The following BMAL2 variants were observed in gnomAD, a reference collection of about 807,000 sequenced individuals.
The protein encoded by BMAL2 is basic helix-loop-helix ARNT like 2.
chr12:27,342,327 T>C, the BMAL2 span, among the ~76,000 whole-genome samples: 16 of 152,362 alleles, frequency 1.1e-4, no homozygotes, highest in African/African-American at 3.8e-4. Context: ...CAAAATACAT[T>C]GTCTCTTATT....
the BMAL2 span, among the ~76,000 whole-genome samples, chr12:27,351,723 GC>G: frequency 6.6e-6 from 1 of 152,158 alleles, no homozygotes; most frequent in African/African-American, 2.4e-5. Context: ...CAAGACTCTT[GC>G]CCTCAGTTCT....
At chr12:27,363,703 T>C in the BMAL2 span, among the ~76,000 whole-genome samples, 1 of 152,246 alleles carries the variant, frequency 6.6e-6, no homozygotes, top group African/African-American at 2.4e-5. Context: ...TTATATAATC[T>C]GAATATTAAC....
At chr12:27,358,491 A>G in the BMAL2 span, among the ~76,000 whole-genome samples, 1 of 152,282 alleles carries the variant, frequency 6.6e-6, no homozygotes, top group South Asian at 2.1e-4. Context: ...GATTCCTTAA[A>G]GGGCATTTTC....
chr12:27,411,934 G>A, the BMAL2 span, among the ~76,000 whole-genome samples: 1 of 152,092 alleles, frequency 6.6e-6, no homozygotes, highest in African/African-American at 2.4e-5. Context: ...CCAATGTCAT[G>A]AGGCTGTTCC....
chr12:27,359,266 A>G, the BMAL2 span, among the ~76,000 whole-genome samples: 3 of 152,234 alleles, frequency 2.0e-5, no homozygotes, highest in East Asian at 5.8e-4. Flanking sequence ...TTGCAAGAAC[A>G]ATGAAACACA....
the BMAL2 span, among the ~76,000 whole-genome samples, chr12:27,416,550 G>T: frequency 6.6e-6 from 1 of 152,156 alleles, no homozygotes; most frequent in South Asian, 2.1e-4. Flanking sequence ...CAGTATAATT[G>T]TAATTTAGCA....
At chr12:27,415,271 T>C in the BMAL2 span, among the ~76,000 whole-genome samples, 4 of 152,244 alleles carry the variant, frequency 2.6e-5, no homozygotes, top group Non-Finnish European at 5.9e-5. Context: ...GTGATGAATA[T>C]GTAAATTTAT....
At chr12:27,360,803 C>CAAAAAAAAAAAAAAAAAAAAAA in the BMAL2 span, among the ~76,000 whole-genome samples, 43 of 46,788 alleles carry the variant, frequency 9.2e-4, 10 homozygotes, top group East Asian at 2.3e-3. Flanking sequence ...GTGATTTGTC[C>CAAAAAAAAAAAAAAAAAAAAAA]AAAAAAAAAA....
chr12:27,370,511 A>C, the BMAL2 span, among the ~76,000 whole-genome samples: 2 of 152,198 alleles, frequency 1.3e-5, no homozygotes, highest in African/African-American at 4.8e-5. Context: ...ATAGCCTCAG[A>C]GTGCTGGATC....
chr12:27,408,507 A>G, the BMAL2 span, among the ~76,000 whole-genome samples: 1 of 152,362 alleles, frequency 6.6e-6, no homozygotes, highest in East Asian at 1.9e-4. Context: ...TGATTAACTC[A>G]ATAGATGCAG....
chr12:27,333,416 G>T, the BMAL2 span, among the ~76,000 whole-genome samples: 1 of 152,244 alleles, frequency 6.6e-6, no homozygotes, highest in Non-Finnish European at 1.5e-5. Context: ...GCCAGCGGGG[G>T]ACCTTGCACC....
chr12:27,378,407 T>C, the BMAL2 span, among the ~76,000 whole-genome samples: 9 of 152,176 alleles, frequency 5.9e-5, no homozygotes, highest in African/African-American at 2.2e-4. Context: ...ATAACTGAGT[T>C]GGATTTTGAA....
chr12:27,367,431 G>A, the BMAL2 span, among the ~76,000 whole-genome samples: 1 of 152,198 alleles, frequency 6.6e-6, no homozygotes, highest in Admixed American at 6.5e-5. Context: ...AACCACAGAA[G>A]GCAAAACTGC....
At chr12:27,369,299 T>C in the BMAL2 span, among the ~76,000 whole-genome samples, 1 of 150,786 alleles carries the variant, frequency 6.6e-6, no homozygotes, top group Non-Finnish European at 1.5e-5. Context: ...TCTTTTTTGG[T>C]GGGGGGGGTG....
At chr12:27,408,697 C>T in the BMAL2 span, among the ~76,000 whole-genome samples, 10 of 152,240 alleles carry the variant, frequency 6.6e-5, no homozygotes, top group South Asian at 2.1e-4. Flanking sequence ...ACAGGGATGC[C>T]GTCTCTCACC....
At chr12:27,374,663 G>A in the BMAL2 span, among the ~76,000 whole-genome samples, 2 of 152,194 alleles carry the variant, frequency 1.3e-5, no homozygotes, top group African/African-American at 4.8e-5. Flanking sequence ...GCCTCAGAGA[G>A]GCTGTTTAAT....
chr12:27,415,571 T>G, the BMAL2 span, among the ~76,000 whole-genome samples: 1,045 of 152,262 alleles, frequency 6.9e-3, 13 homozygotes, highest in African/African-American at 0.024. Context: ...TGAGCACCTG[T>G]TTTAAACTGT....
chr12:27,355,631 G>A, the BMAL2 span, among the ~76,000 whole-genome samples: 2 of 152,092 alleles, frequency 1.3e-5, no homozygotes, highest in African/African-American at 4.8e-5. Flanking sequence ...GCTGGCCTTG[G>A]GCAACCCAAA....
chr12:27,391,014 G>A, the BMAL2 span, among the ~76,000 whole-genome samples: 3 of 152,274 alleles, frequency 2.0e-5, no homozygotes, highest in Admixed American at 6.5e-5. Flanking sequence ...CGCTAACCCT[G>A]TGCCAGATAC....
Sources: gnomAD v4.1 joint callset for allele counts (sites outside exome capture counted in the v4.1 genomes callset) on GRCh38, gnomAD v4.1.1 for gene constraint, MANE v1.5 for transcripts, NCBI Gene and HGNC (gene_info 2026-07-23, HGNC 2026-07-21) for gene names.